The following FNIP2 variants were observed in gnomAD, a reference collection of about 807,000 sequenced individuals.
FNIP2 encodes folliculin interacting protein 2, also known as folliculin-interacting protein 2.
A neutral mutation model predicts 108.7 loss-of-function variants in FNIP2; 32 were observed. The ratio of observed to expected loss-of-function variants is 0.29; its 90% CI spans 0.22 to 0.40. The LOEUF is 0.40. Ranked by LOEUF, FNIP2 falls within the 10% of genes least tolerant of loss-of-function variation. FNIP2 has a pLI of 1.00. For missense variants in FNIP2, 1,202 were observed against 1,381.6 expected, an observed-to-expected ratio of 0.87 and a Z score of 2.06; for synonymous variants, 480 against 496.7, an observed-to-expected ratio of 0.97 and a Z score of 0.45.
chr4:158,880,620 T>C (rs1254169439), intron 14 of FNIP2, among the ~76,000 whole-genome samples: 1 of 152,226 alleles, frequency 6.6e-6, no homozygotes, highest in Non-Finnish European at 1.5e-5. Flanking sequence ...GCTGACTTTA[T>C]ATATTGGAGG....
At chr4:158,845,893 G>C (rs568795761) in intron 7 of FNIP2, among the ~76,000 whole-genome samples, 2 of 152,302 alleles carry the variant, frequency 1.3e-5, no homozygotes, top group East Asian at 3.9e-4. Flanking sequence ...AATATAAACT[G>C]TCTCATTTGC....
chr4:158,836,104 A>G (rs905563770), intron 7 of FNIP2: 9 of 152,264 alleles, frequency 5.9e-5, no homozygotes, highest in African/African-American at 2.2e-4. Context: ...GCTCTGCTTG[A>G]TGAATACATA....
At chr4:158,802,951 T>G (rs1776809840) in intron 1 of FNIP2, among the ~76,000 whole-genome samples, 1 of 152,340 alleles carries the variant, frequency 6.6e-6, no homozygotes, top group African/African-American at 2.4e-5. Context: ...ACAGTACAAA[T>G]AGCAGCTTTA....
At chr4:158,770,783 T>TC (rs1368686730) in intron 1 of FNIP2, among the ~76,000 whole-genome samples, 1 of 152,134 alleles carries the variant, frequency 6.6e-6, no homozygotes, top group African/African-American at 2.4e-5. Context: ...TAACCCAGAC[T>TC]CCATCAGGGG....
Position 158,827,991 on chromosome 4 carries a change from A to C in FNIP2, c.235-1088A>C, listed in dbSNP as rs185726333. ...CAAGCAAAAGCTACACAAGGAAAAA[A>C]AAAAGGCAAAGAAGACTCAGAATAG... On this transcript the variant is annotated intron_variant, in intron 2 of 16. Coordinates refer to ENST00000264433, the MANE Select transcript of FNIP2 (RefSeq NM_020840.3). Among the ~76,000 whole-genome samples the C allele has an allele frequency of 3.3e-4, 51 of 152,344 alleles. No individual in the cohort carries two copies. The East Asian group carries it at 6.7e-3, about 20-fold the overall frequency.
In FNIP2 at chr4:158,906,687, C is replaced by T. The variant is rs1729870930; in HGVS notation, c.*2143C>T. The T allele has an allele frequency of 6.6e-6, 1 of 152,162 alleles. No individual in the cohort carries two copies. The highest frequency in any genetic ancestry group is 2.4e-5 in the African/African-American group (1 of 41,442). 9.4% of individuals were successfully genotyped at this position (152,162 alleles called of 1,614,324 possible). On this transcript the variant is annotated 3_prime_UTR_variant, in exon 17 of 17. Coordinates refer to ENST00000264433, the MANE Select transcript of FNIP2 (RefSeq NM_020840.3). ...CTCAGGATTCCAGTCAGAACCTAAT[C>T]CTCATATCTATTGCCTACAAAAATA...
intron 14 of FNIP2, 50 bp from the exon 15 acceptor site, chr4:158,891,396 T>C: frequency 6.6e-7 from 1 of 1,524,284 alleles, no homozygotes; most frequent in South Asian, 1.2e-5. Context: ...ACTTTGACCT[T>C]TTGGACTCAC....
chr4:158,806,558 T>G, intron 1 of FNIP2: 6 of 508,580 alleles, frequency 1.2e-5, no homozygotes, highest in Non-Finnish European at 1.9e-5. Context: ...ATGGGGTTAT[T>G]GGTGGATGTG....
intron 7 of FNIP2, among the ~76,000 whole-genome samples, chr4:158,840,460 A>G (rs1779064148): frequency 6.6e-6 from 1 of 152,072 alleles, no homozygotes. Context: ...CAGTGGCGCA[A>G]TCTCAGCTCA....
intron 16 of FNIP2, among the ~76,000 whole-genome samples, chr4:158,898,960 TATG>T (rs544314019): frequency 1.1e-4 from 17 of 152,364 alleles, no homozygotes; most frequent in East Asian, 7.7e-4. Context: ...GCCCATTCAG[TATG>T]ATATTGGCTG....
chr4:158,860,404 G>A (rs1254995835), intron 10 of FNIP2, among the ~76,000 whole-genome samples: 1 of 151,552 alleles, frequency 6.6e-6, no homozygotes. Flanking sequence ...GCTACCTGGA[G>A]CAAAATCGCA....
intron 7 of FNIP2, among the ~76,000 whole-genome samples, chr4:158,848,821 C>G (rs1350076842): frequency 1.3e-5 from 2 of 152,088 alleles, no homozygotes; most frequent in Admixed American, 6.5e-5. Context: ...TTGAAAAATG[C>G]AATTGTCATA....
At chr4:158,800,211 C>CA (rs1482892530) in intron 1 of FNIP2, among the ~76,000 whole-genome samples, 4 of 151,908 alleles carry the variant, frequency 2.6e-5, no homozygotes, top group African/African-American at 9.6e-5. Flanking sequence ...AGCACTTTTT[C>CA]AAAAAAACGT....
intron 14 of FNIP2, among the ~76,000 whole-genome samples, chr4:158,889,061 C>T (rs1216989112): frequency 6.6e-6 from 1 of 151,654 alleles, no homozygotes; most frequent in African/African-American, 2.4e-5. Context: ...GGTGTGGTGG[C>T]ACATGTCTGT....
chr4:158,833,095 A>G (rs1778573260), intron 5 of FNIP2, among the ~76,000 whole-genome samples: 1 of 152,236 alleles, frequency 6.6e-6, no homozygotes, highest in South Asian at 2.1e-4. Flanking sequence ...TGAATTGCTC[A>G]TTGATGTTAA....
chr4:158,833,835 G>T, intron 6 of FNIP2: 1 of 1,501,892 alleles, frequency 6.7e-7, no homozygotes, highest in Non-Finnish European at 8.9e-7. Flanking sequence ...AACTGCTGCA[G>T]GGGGTAGCTG....
At chr4:158,800,421 G>A (rs536399158) in intron 1 of FNIP2, among the ~76,000 whole-genome samples, 1 of 152,278 alleles carries the variant, frequency 6.6e-6, no homozygotes, top group Non-Finnish European at 1.5e-5. Context: ...AATTGTGTGA[G>A]TCAAATTGCA....
chr4:158,904,005 A>T (rs569398032), intron 16 of FNIP2, among the ~76,000 whole-genome samples: 1 of 152,344 alleles, frequency 6.6e-6, no homozygotes, highest in African/African-American at 2.4e-5. Flanking sequence ...CTTTGAACAA[A>T]TTCCCAATGT....
At chr4:158,791,513 C>G (rs1251145056) in intron 1 of FNIP2, among the ~76,000 whole-genome samples, 1 of 151,970 alleles carries the variant, frequency 6.6e-6, no homozygotes, top group Non-Finnish European at 1.5e-5. Context: ...AACTCCTGAC[C>G]TCAAGTGATC....
Sources: allele counts gnomAD v4.1 joint callset (sites outside exome capture counted in the v4.1 genomes callset), GRCh38; gene constraint gnomAD v4.1.1; transcripts MANE v1.5; gene names NCBI Gene and HGNC (gene_info 2026-07-23, HGNC 2026-07-21).